PLCB1: variants seen among roughly 807,000 people sequenced by gnomAD.
The protein encoded by PLCB1 is phospholipase C beta 1.
Under a neutral mutation model 161.8 loss-of-function variants are expected in PLCB1, and 46 were observed. The ratio of observed to expected loss-of-function variants is 0.28; its 90% CI spans 0.22 to 0.36. PLCB1 has a LOEUF of 0.36. Ranked by LOEUF, PLCB1 falls within the 10% of genes least tolerant of loss-of-function variation. The pLI is 1.00. For missense variants in PLCB1, 1,016 were observed against 1,472.5 expected (o/e 0.69, Z 5.07); for synonymous variants, 517 against 503.7 (o/e 1.03, Z -0.35).
At chr20:8,789,916 T>C (rs1983670807) in intron 30 of PLCB1, among the ~76,000 whole-genome samples, 1 of 152,172 alleles carries the variant, frequency 6.6e-6, no homozygotes, top group Non-Finnish European at 1.5e-5. Context: ...TTTTTTCCAA[T>C]TTAATGTCAT....
chr20:8,473,294 GA>G (rs3215508), intron 3 of PLCB1, among the ~76,000 whole-genome samples: 18,886 of 151,216 alleles, frequency 0.12, 1,493 homozygotes, highest in East Asian at 0.32. Context: ...ATCTCCAAAG[GA>G]AAAAAAAATT....
intron 11 of PLCB1, among the ~76,000 whole-genome samples, chr20:8,704,002 A>G (rs1487506666): frequency 1.3e-5 from 2 of 152,214 alleles, no homozygotes; most frequent in Admixed American, 1.3e-4. Flanking sequence ...CACTTTCATT[A>G]TTAAAGGCAG....
At chr20:8,404,600 A>G (rs1174810936) in intron 3 of PLCB1, among the ~76,000 whole-genome samples, 1 of 152,334 alleles carries the variant, frequency 6.6e-6, no homozygotes, top group East Asian at 1.9e-4. Context: ...CAACTGAAGT[A>G]TGGGATTGAA....
chr20:8,830,570 C>T (rs1055879241), intron 31 of PLCB1, among the ~76,000 whole-genome samples: 4 of 152,288 alleles, frequency 2.6e-5, no homozygotes, highest in Non-Finnish European at 4.4e-5. Flanking sequence ...GAATATTCCC[C>T]GGCTAAGGAT....
Position 8,741,496 on chromosome 20 carries a change from T to C in PLCB1, c.2446T>C (p.Tyr816His). The C allele has an allele frequency of 6.2e-7, 1 of 1,613,652 alleles. No individual in the cohort carries two copies. Among genetic ancestry groups the C allele is most frequent in the Non-Finnish European group, 8.5e-7 (1 of 1,179,590 alleles). ...VIEALSNPIRYVNLMEQRAKQ... is the reference protein window; with the variant it reads ...VIEALSNPIRHVNLMEQRAKQ... ...CGAAGCTTTATCAAACCCAATCCGA[T>C]ATGTGAACCTGATGGAACAGAGAGC... Residue 816 changes from tyrosine to histidine, a missense_variant, in exon 23 of 32, where the codon TAT (tyrosine) becomes CAT (histidine). Tyr to His is a moderately conservative substitution (Grantham distance 83). Around this residue, in one of 10 missense-constraint regions of PLCB1, gnomAD observed 75 missense variants for 117.0 expected, o/e 0.64. Transcript: ENST00000338037.
At chr20:8,437,417 A>C (rs2122599255) in intron 3 of PLCB1, among the ~76,000 whole-genome samples, 1 of 152,374 alleles carries the variant, frequency 6.6e-6, no homozygotes, top group East Asian at 1.9e-4. Context: ...GAAAGTGTTC[A>C]AACAAGCATA....
chr20:8,165,004 G>A (rs746568645), intron 2 of PLCB1, among the ~76,000 whole-genome samples: 15 of 152,182 alleles, frequency 9.9e-5, no homozygotes, highest in East Asian at 1.9e-4. Context: ...CTAACATCTG[G>A]CCCATAAACT....
At chr20:8,546,980 C>T (rs1253770788) in intron 3 of PLCB1, among the ~76,000 whole-genome samples, 2 of 152,126 alleles carry the variant, frequency 1.3e-5, no homozygotes, top group African/African-American at 2.4e-5. Context: ...TTTATAATTG[C>T]GCCTCTTAAT....
intron 3 of PLCB1, among the ~76,000 whole-genome samples, chr20:8,577,423 G>A (rs1395811759): frequency 7.1e-6 from 1 of 140,046 alleles, no homozygotes; most frequent in Non-Finnish European, 1.5e-5. Context: ...GGGCAACAGA[G>A]CGAGACCCTG....
chr20:8,605,705 A>G (rs933375439), intron 3 of PLCB1, among the ~76,000 whole-genome samples: 1 of 150,632 alleles, frequency 6.6e-6, no homozygotes. Flanking sequence ...GACAAGTTTC[A>G]TAATGCTGAG....
At chr20:8,750,212 C>G (rs112266097) in intron 23 of PLCB1, among the ~76,000 whole-genome samples, 242 of 152,282 alleles carry the variant, frequency 1.6e-3, no homozygotes, top group African/African-American at 5.5e-3. Context: ...CACTTGAACC[C>G]ATGCTCCAGT....
intron 4 of PLCB1, among the ~76,000 whole-genome samples, chr20:8,629,906 CTCTTTCCTTTCTTTCCTCTCT>C (rs1988504795): frequency 1.0e-5 from 1 of 97,604 alleles, no homozygotes; most frequent in Non-Finnish European, 2.2e-5. Context: ...TTCTTTCTTT[CTCTTTCCTTTCTTTCCTCTCT>C]TCTTTCCTTT....
At chr20:8,611,580 G>A (rs1987905370) in intron 3 of PLCB1, among the ~76,000 whole-genome samples, 1 of 152,010 alleles carries the variant, frequency 6.6e-6, no homozygotes, top group South Asian at 2.1e-4. Flanking sequence ...TACTTCTTGA[G>A]CCTATAAAAA....
Position 8,658,700 on chromosome 20 carries a change from A to G in PLCB1, c.858A>G (p.Arg286=). The change falls in exon 9 of 32, where the codon AGA becomes AGG. Residue 286 remains arginine, a synonymous_variant. Coordinates refer to ENST00000338037, the MANE Select transcript of PLCB1 (RefSeq NM_015192.4). ...ATGAACCCAACAACAGCCTCGCCAG[A>G]AAAGGTCAGTACTTTCTTTCACACC... The part of the protein sequence containing the change: ...EKYEPNNSLA[R]KGQISVDGFM... 1 of 1,602,296 alleles carries G rather than the reference A, an allele frequency of 6.2e-7. No individual in the cohort carries two copies. Among genetic ancestry groups the G allele is most frequent in the Non-Finnish European group, 8.5e-7 (1 of 1,175,942 alleles).
At chr20:8,655,945 T>G (rs1989445794) in intron 7 of PLCB1, among the ~76,000 whole-genome samples, 1 of 152,030 alleles carries the variant, frequency 6.6e-6, no homozygotes, top group African/African-American at 2.4e-5. Context: ...GAGATTTCTC[T>G]CTTTCTATAA....
At chr20:8,141,576 A>G (rs998369708) in intron 1 of PLCB1, among the ~76,000 whole-genome samples, 1 of 150,586 alleles carries the variant, frequency 6.6e-6, no homozygotes, top group Non-Finnish European at 1.5e-5. Flanking sequence ...TCAGTGAGCC[A>G]AGATCGCGCC....
At chr20:8,848,159 A>C (rs1986755066) in intron 31 of PLCB1, among the ~76,000 whole-genome samples, 1 of 152,166 alleles carries the variant, frequency 6.6e-6, no homozygotes, top group Non-Finnish European at 1.5e-5. Context: ...TTGGCCATTA[A>C]GTTTCAACAC....
At chr20:8,831,588 T>C (rs1985981761) in intron 31 of PLCB1, among the ~76,000 whole-genome samples, 1 of 152,212 alleles carries the variant, frequency 6.6e-6, no homozygotes, top group South Asian at 2.1e-4. Flanking sequence ...TGCCTCATTT[T>C]TCCTAAAAAC....
intron 31 of PLCB1, among the ~76,000 whole-genome samples, chr20:8,826,412 A>C (rs567815269): frequency 2.6e-5 from 4 of 151,254 alleles, no homozygotes; most frequent in Non-Finnish European, 5.9e-5. Context: ...GGAGAATGGC[A>C]TGAACCCGGG....
Sources: gnomAD v4.1 joint callset for allele counts (sites outside exome capture counted in the v4.1 genomes callset) on GRCh38, gnomAD v4.1.1 for gene constraint, gnomAD v4.1.1 regional missense constraint, MANE v1.5 for transcripts, NCBI Gene and HGNC (gene_info 2026-07-23, HGNC 2026-07-21) for gene names.